The following FSTL5 variants were observed in gnomAD, a reference collection of about 807,000 sequenced individuals.
FSTL5 encodes the protein follistatin like 5, also known as follistatin-related protein 5.
A neutral mutation model predicts 89.1 loss-of-function variants in FSTL5; 62 were observed. The ratio of observed to expected loss-of-function variants is 0.70; its 90% CI spans 0.57 to 0.86. The LOEUF (loss-of-function observed/expected upper bound fraction) is 0.86, where lower values mean the gene tolerates loss of function less well. Ranked by LOEUF, FSTL5 falls within the 40% of genes least tolerant of loss-of-function variation. The pLI is 0.00. For synonymous variants in FSTL5, 383 were observed against 346.2 expected, an observed-to-expected ratio of 1.11 and a Z score of -1.18; for missense variants, 1,057 against 1,001.6, an observed-to-expected ratio of 1.06 and a Z score of -0.75.
intron 8 of FSTL5, among the ~76,000 whole-genome samples, chr4:161,584,361 A>G (rs1181858579): frequency 6.6e-6 from 1 of 152,214 alleles, no homozygotes; most frequent in Non-Finnish European, 1.5e-5. Context: ...TTCATCTTCC[A>G]AAGATCAGTC....
chr4:162,142,205 T>C (rs1210656700), intron 1 of FSTL5, among the ~76,000 whole-genome samples: 1 of 151,998 alleles, frequency 6.6e-6, no homozygotes, highest in South Asian at 2.1e-4. Flanking sequence ...GAAAATTGAG[T>C]TGATGTGGCC....
chr4:161,664,320 G>C (rs1374935562), intron 6 of FSTL5, among the ~76,000 whole-genome samples: 1 of 152,108 alleles, frequency 6.6e-6, no homozygotes, highest in African/African-American at 2.4e-5. Context: ...TTTTAAAATG[G>C]AATATTTTAG....
chr4:161,872,128 G>GTTTTTTTGTTTGTTTTTTTTTTT lies in FSTL5; in HGVS notation c.409+48275_409+48276insAAAAAAAAAAACAAACAAAAAAA, dbSNP rs1732282226. ...CACATCTGGCTAGGCTTTGTAGTTTGTTTTTTTTTTTGGTTTTTTTTTTTT... is the reference window on the plus strand; with the variant it reads ...CACATCTGGCTAGGCTTTGTAGTTTGTTTTTTTGTTTGTTTTTTTTTTTTTTTTTTTTTTGGTTTTTTTTTTTT... On this transcript the variant is annotated intron_variant, in intron 4 of 15. Transcript: ENST00000306100. 3.0e-4 allele frequency among the ~76,000 whole-genome samples: 19 copies of GTTTTTTTGTTTGTTTTTTTTTTT among 64,130 alleles called. 2 individuals are homozygous for GTTTTTTTGTTTGTTTTTTTTTTT. The highest frequency in any genetic ancestry group is 2.7e-4 in the Non-Finnish European group (8 of 29,110). 42.1% of individuals were successfully genotyped at this position (64,130 alleles called of 152,430 possible).
intron 4 of FSTL5, among the ~76,000 whole-genome samples, chr4:161,869,612 T>C (rs1732199799): frequency 6.6e-6 from 1 of 152,094 alleles, no homozygotes; most frequent in South Asian, 2.1e-4. Flanking sequence ...CAATTGTGAG[T>C]GTTACTGGCA....
intron 4 of FSTL5, among the ~76,000 whole-genome samples, chr4:161,798,791 A>AT (rs1729711184): frequency 6.6e-6 from 1 of 151,736 alleles, no homozygotes; most frequent in Admixed American, 6.6e-5. Flanking sequence ...AATTTTTAGC[A>AT]TTTCATGCCA....
At chr4:161,539,954 G>C (rs1371636595) in intron 9 of FSTL5, among the ~76,000 whole-genome samples, 2 of 148,144 alleles carry the variant, frequency 1.4e-5, no homozygotes, top group Non-Finnish European at 1.5e-5. Context: ...AAATTCTCTG[G>C]GTTTTGTTTT....
At chr4:161,402,025 AT>A (rs1731196014) in intron 15 of FSTL5, among the ~76,000 whole-genome samples, 1 of 152,090 alleles carries the variant, frequency 6.6e-6, no homozygotes, top group Non-Finnish European at 1.5e-5. Flanking sequence ...TAGCCAAAGG[AT>A]TTATAAAGTG....
At chr4:162,055,880 AC>A (rs1483386980) in intron 2 of FSTL5, among the ~76,000 whole-genome samples, 2 of 151,914 alleles carry the variant, frequency 1.3e-5, no homozygotes, top group African/African-American at 4.8e-5. Context: ...TGGCACTTGA[AC>A]TTTTATATAT....
chr4:161,432,055 A>C (rs1038240798), intron 15 of FSTL5, among the ~76,000 whole-genome samples: 2 of 152,188 alleles, frequency 1.3e-5, no homozygotes, highest in Admixed American at 1.3e-4. Context: ...CAGATCATCC[A>C]GACAGAAAGT....
chr4:161,850,150 G>T (rs1396332643), intron 4 of FSTL5, among the ~76,000 whole-genome samples: 1 of 152,098 alleles, frequency 6.6e-6, no homozygotes, highest in East Asian at 1.9e-4. Flanking sequence ...TAATCTCTTA[G>T]TTCCAGCAAA....
At chr4:161,558,154 C>G (rs147546586) in intron 8 of FSTL5, among the ~76,000 whole-genome samples, 1 of 151,826 alleles carries the variant, frequency 6.6e-6, no homozygotes, top group Non-Finnish European at 1.5e-5. Context: ...GAAGGATGTA[C>G]AGTGTATGAC....
intron 1 of FSTL5, among the ~76,000 whole-genome samples, chr4:162,113,797 C>A (rs149711441): frequency 6.6e-6 from 1 of 152,262 alleles, no homozygotes; most frequent in African/African-American, 2.4e-5. Context: ...CTCAAGAATC[C>A]CTTCCCTGAG....
At chr4:161,992,847 CAAA>C (rs60808579) in intron 3 of FSTL5, among the ~76,000 whole-genome samples, 27 of 22,886 alleles carry the variant, frequency 1.2e-3, no homozygotes, top group African/African-American at 4.7e-3. Context: ...AACTCCATCT[CAAA>C]AAAAAAAAAA....
chr4:162,064,809 C>T (rs1195982519), intron 2 of FSTL5, among the ~76,000 whole-genome samples: 2 of 151,962 alleles, frequency 1.3e-5, no homozygotes, highest in African/African-American at 2.4e-5. Context: ...ACCAACATTT[C>T]CAATTTCCTT....
chr4:161,635,704 A>G (rs1238155869), intron 7 of FSTL5, among the ~76,000 whole-genome samples: 1 of 152,172 alleles, frequency 6.6e-6, no homozygotes, highest in African/African-American at 2.4e-5. Flanking sequence ...ATGAACAACT[A>G]CTGATTCATT....
Position 161,826,013 on chromosome 4 carries a change from T to A in FSTL5, c.410-49939A>T, listed in dbSNP as rs28863483. On this transcript the variant is annotated intron_variant, in intron 4 of 15. Coordinates refer to ENST00000306100, the MANE Select transcript of FSTL5 (RefSeq NM_020116.5). ...TTTTCAGACTTTTTGATGTATGCAT[T>A]TAAAGCTGTGAACTTTCCTCTTAGC... Among the ~76,000 whole-genome samples the A allele has an allele frequency of 4.8e-3, 726 of 152,274 alleles. 13 individuals carry two copies. The highest frequency in any genetic ancestry group is 0.017 in the African/African-American group (703 of 41,566).
At chr4:161,465,299 C>A (rs978321302) in intron 13 of FSTL5, among the ~76,000 whole-genome samples, 2 of 151,948 alleles carry the variant, frequency 1.3e-5, no homozygotes, top group Non-Finnish European at 2.9e-5. Flanking sequence ...CATTGGTGTG[C>A]ACATTTTTTG....
At chr4:162,142,959 G>A (rs1019523617) in intron 1 of FSTL5, among the ~76,000 whole-genome samples, 1 of 152,124 alleles carries the variant, frequency 6.6e-6, no homozygotes, top group Non-Finnish European at 1.5e-5. Context: ...AGGCTCTCAA[G>A]TAATGACAAC....
rs1560840773 is a variant in FSTL5, at chr4:161,779,778, T to TAC, written c.410-3705_410-3704insGT. ...GTAAAGTTATATATATATATATGTA[T>TAC]ATATATATATATATATATATATATA... On this transcript the variant is annotated intron_variant, in intron 4 of 15. Transcript: ENST00000306100. Among the ~76,000 whole-genome samples the TAC allele has an allele frequency of 1.6e-4, 9 of 55,662 alleles. No homozygotes were observed. In the East Asian group the frequency reaches 2.0e-3, roughly 12 times the overall value. The allele number at this position is 55,662 out of a possible 152,430, so 36.5% of individuals were successfully genotyped here.
Sources: gnomAD v4.1 joint callset for allele counts (sites outside exome capture counted in the v4.1 genomes callset) on GRCh38, gnomAD v4.1.1 for gene constraint, MANE v1.5 for transcripts, NCBI Gene and HGNC (gene_info 2026-07-23, HGNC 2026-07-21) for gene names.